Variants in CTIF observed in about 807,000 individuals in gnomAD.
The protein encoded by CTIF is cap binding complex dependent translation initiation factor.
In CTIF, 21 loss-of-function variants were observed where a neutral mutation model predicts 66.0. That is an observed-to-expected ratio of 0.32 (90% CI 0.23 to 0.46). The LOEUF (loss-of-function observed/expected upper bound fraction) is 0.46. Ranked by LOEUF, CTIF falls within the 20% of genes least tolerant of loss-of-function variation. The probability of loss-of-function intolerance (pLI) is 1.00; values close to 1 mark genes in which losing one functional copy is unlikely to be tolerated. For missense variants in CTIF, 739 were observed against 812.7 expected, an observed-to-expected ratio of 0.91 and a Z score of 1.10; for synonymous variants, 345 against 326.4, an observed-to-expected ratio of 1.06 and a Z score of -0.62.
chr18:48,684,058 A>T (rs2091793422), intron 6 of CTIF, among the ~76,000 whole-genome samples: 1 of 152,206 alleles, frequency 6.6e-6, no homozygotes. Context: ...TGCTAAGGTG[A>T]CTATTGGAGC....
At chr18:48,669,593 A>G (rs2091489088) in intron 5 of CTIF, among the ~76,000 whole-genome samples, 1 of 151,842 alleles carries the variant, frequency 6.6e-6, no homozygotes, top group South Asian at 2.1e-4. Flanking sequence ...AACAACAGCA[A>G]CAATATTAGT....
intron 3 of CTIF, among the ~76,000 whole-genome samples, chr18:48,663,477 G>GGGT (rs1161880820): frequency 6.6e-6 from 1 of 152,112 alleles, no homozygotes. Flanking sequence ...AGCCCTTGCT[G>GGGT]GGTGTGGAGG....
chr18:48,736,594 G>A (rs1191321838), intron 7 of CTIF, among the ~76,000 whole-genome samples: 3 of 152,242 alleles, frequency 2.0e-5, no homozygotes, highest in Non-Finnish European at 4.4e-5. Context: ...GCATGTGTGA[G>A]TCGTGATGGG....
At chr18:48,574,469 C>G (rs1044701632) in intron 1 of CTIF, among the ~76,000 whole-genome samples, 1 of 152,192 alleles carries the variant, frequency 6.6e-6, no homozygotes. Flanking sequence ...GAGTTCTGCA[C>G]TTTGGGCAGG....
chr18:48,837,464 G>T (rs1189984679), intron 10 of CTIF, among the ~76,000 whole-genome samples: 2 of 152,162 alleles, frequency 1.3e-5, no homozygotes, highest in African/African-American at 4.8e-5. Flanking sequence ...GAGGGCTGAG[G>T]TCTGGGCTGG....
intron 10 of CTIF, among the ~76,000 whole-genome samples, chr18:48,839,150 T>C (rs1392509134): frequency 6.6e-6 from 1 of 152,152 alleles, no homozygotes; most frequent in Non-Finnish European, 1.5e-5. Context: ...GCTAGGCCAC[T>C]GTTTCCTTTC....
At position 48,736,979 on chromosome 18, in the gene CTIF, G is replaced by C. The variant is rs1489105613; in HGVS notation, c.585-20940G>C. On this transcript the variant is annotated intron_variant, in intron 7 of 11. Coordinates refer to ENST00000256413, the MANE Select transcript of CTIF (RefSeq NM_014772.3). ...CAAACTGCTGCTTGACCCCTGCTTT[G>C]CATGCTTTCTTCTGCCTCCTGCTCA... 2.6e-5 allele frequency among the ~76,000 whole-genome samples: 4 copies of C among 152,124 alleles called. No individual in the cohort carries two copies. The East Asian group carries it at 7.7e-4, about 29-fold the overall frequency.
At chr18:48,819,317 C>T (rs949492250) in intron 10 of CTIF, among the ~76,000 whole-genome samples, 3 of 152,256 alleles carry the variant, frequency 2.0e-5, no homozygotes, top group Non-Finnish European at 2.9e-5. Context: ...AGCGGGCCTG[C>T]GTGGCCTCTT....
intron 9 of CTIF, among the ~76,000 whole-genome samples, chr18:48,794,074 G>A (rs2067854588): frequency 6.6e-6 from 1 of 152,120 alleles, no homozygotes. Context: ...GGATCCTTTG[G>A]GTTTTCTGAC....
chr18:48,780,921 TC>T (rs1212209922), intron 9 of CTIF, among the ~76,000 whole-genome samples: 1 of 152,162 alleles, frequency 6.6e-6, no homozygotes, highest in East Asian at 1.9e-4. Context: ...CTCCCTGGAC[TC>T]CTCTGTCATC....
chr18:48,825,768 G>C (rs1319442099), intron 10 of CTIF, among the ~76,000 whole-genome samples: 1 of 152,214 alleles, frequency 6.6e-6, no homozygotes, highest in Non-Finnish European at 1.5e-5. Context: ...TTGCTGGCTG[G>C]ATCCATGGGG....
intron 9 of CTIF, among the ~76,000 whole-genome samples, chr18:48,813,270 C>T (rs1479991238): frequency 6.6e-6 from 1 of 152,234 alleles, no homozygotes; most frequent in Non-Finnish European, 1.5e-5. Flanking sequence ...TGCCTATTCA[C>T]ACATCATAGA....
At chr18:48,667,783 G>A (rs926322991) in intron 5 of CTIF, among the ~76,000 whole-genome samples, 1 of 152,174 alleles carries the variant, frequency 6.6e-6, no homozygotes, top group African/African-American at 2.4e-5. Flanking sequence ...GTCTCCCATG[G>A]ATATCTGGCT....
At position 48,570,870 on chromosome 18, in the gene CTIF, C is replaced by T. The variant is rs112908370; in HGVS notation, c.-29+31558C>T. ...GGAGCGGGGACCAGAGTGAGAAGGCCACATGTGTGGAGATGAGGGATCCAG... is the reference window on the plus strand; with the variant it reads ...GGAGCGGGGACCAGAGTGAGAAGGCTACATGTGTGGAGATGAGGGATCCAG... On this transcript the variant is annotated intron_variant, in intron 1 of 11. Transcript: ENST00000256413. 8.6e-3 allele frequency among the ~76,000 whole-genome samples: 1,309 copies of T among 152,036 alleles called. 13 individuals carry two copies. Among genetic ancestry groups the T allele is most frequent in the African/African-American group, 0.03 (1,241 of 41,450 alleles).
At chr18:48,648,427 C>T (rs1441416570) in intron 3 of CTIF, among the ~76,000 whole-genome samples, 7 of 151,712 alleles carry the variant, frequency 4.6e-5, no homozygotes, top group Non-Finnish European at 8.8e-5. Context: ...GGTCTATTTC[C>T]CCCTTTCCCA....
chr18:48,663,221 T>A (rs1489400048), intron 3 of CTIF, among the ~76,000 whole-genome samples: 1 of 152,184 alleles, frequency 6.6e-6, no homozygotes, highest in Admixed American at 6.5e-5. Context: ...AGAAGCTGCA[T>A]TGAGTAAAGA....
intron 3 of CTIF, 65 bp downstream of exon 3, chr18:48,636,750 C>T (rs1379248048): frequency 3.0e-6 from 4 of 1,335,870 alleles, no homozygotes; most frequent in Non-Finnish European, 4.0e-6. Flanking sequence ...GGTTCCTGGG[C>T]CGGCCCACAG....
rs576105415 is a variant in CTIF, at chr18:48,731,129, G to A, written c.584+19434G>A. ...GTGTGTGGCCCCTTTGGGTGCTCAG[G>A]AAATGGTCATTCCTCTTTGATCTGG... On this transcript the variant is annotated intron_variant, in intron 7 of 11. Coordinates refer to ENST00000256413, the MANE Select transcript of CTIF (RefSeq NM_014772.3). 5.9e-5 allele frequency among the ~76,000 whole-genome samples: 9 copies of A among 152,184 alleles called. No homozygotes were observed. In the South Asian group the frequency reaches 1.9e-3, roughly 32 times the overall value.
intron 1 of CTIF, among the ~76,000 whole-genome samples, chr18:48,573,306 G>A (rs1244147944): frequency 2.0e-5 from 3 of 152,156 alleles, no homozygotes; most frequent in Admixed American, 2.0e-4. Context: ...CAGAGCACGG[G>A]ACATCCCTGT....
Sources: allele counts gnomAD v4.1 joint callset (sites outside exome capture counted in the v4.1 genomes callset), GRCh38; gene constraint gnomAD v4.1.1; transcripts MANE v1.5; gene names NCBI Gene and HGNC (gene_info 2026-07-23, HGNC 2026-07-21).